RCBTB1: variants seen among roughly 807,000 people sequenced by gnomAD.
The protein encoded by RCBTB1 is RCC1 and BTB domain-containing protein 1.
A neutral mutation model predicts 62.4 loss-of-function variants in RCBTB1; 46 were observed. That is an observed-to-expected ratio of 0.74 (90% CI 0.58 to 0.94). The LOEUF (loss-of-function observed/expected upper bound fraction) is 0.94. RCBTB1 is among the 40% of genes least tolerant of loss of function. The pLI, the probability that RCBTB1 is intolerant of heterozygous loss-of-function variation, is 0.00. For synonymous variants in RCBTB1, 222 were observed against 245.8 expected, an observed-to-expected ratio of 0.90 and a Z score of 0.91; for missense variants, 565 against 654.9, an observed-to-expected ratio of 0.86 and a Z score of 1.50.
rs1177611024 is a variant in RCBTB1, at chr13:49,572,306, G to A, written c.-41-4986C>T. Among the ~76,000 whole-genome samples, 3 of 149,564 alleles carry A rather than the reference G, an allele frequency of 2.0e-5. No homozygotes were observed. In the South Asian group the frequency reaches 6.3e-4, roughly 32 times the overall value. On this transcript the variant is annotated intron_variant, in intron 2 of 12. Transcript: ENST00000378302. ...CATGCCACTGCACTCCAGCCTAGGC[G>A]ACAGAGCGAGACTCTGTCTCAGAAA... is the stretch of plus-strand genomic sequence containing the variant.
intron 5 of RCBTB1, among the ~76,000 whole-genome samples, chr13:49,556,523 G>A (rs1485621703): frequency 6.6e-6 from 1 of 152,154 alleles, no homozygotes; most frequent in African/African-American, 2.4e-5. Flanking sequence ...ACTATAAACA[G>A]AGAGATGAAT....
intron 2 of RCBTB1, among the ~76,000 whole-genome samples, chr13:49,571,702 C>T (rs1236527917): frequency 2.6e-5 from 4 of 152,226 alleles, no homozygotes; most frequent in East Asian, 1.9e-4. Flanking sequence ...TTAACTTGGG[C>T]GCGTGGCATT....
chr13:49,552,869 A>C (rs8001595), intron 6 of RCBTB1, among the ~76,000 whole-genome samples: 1 of 152,078 alleles, frequency 6.6e-6, no homozygotes. Context: ...GCTGGACACA[A>C]CTGCGGTAGT....
intron 12 of RCBTB1, among the ~76,000 whole-genome samples, chr13:49,539,789 A>G (rs538644681): frequency 1.3e-5 from 2 of 152,314 alleles, no homozygotes; most frequent in Admixed American, 1.3e-4. Context: ...GCTGCAGACA[A>G]AGTCAGCTAC....
intron 1 of RCBTB1, among the ~76,000 whole-genome samples, chr13:49,581,673 C>A (rs1193142817): frequency 6.6e-6 from 1 of 152,066 alleles, no homozygotes; most frequent in Admixed American, 6.6e-5. Flanking sequence ...ACAGGGAGTA[C>A]CCCCTAGAAG....
At chr13:49,568,017 TCTC>T (rs1170414156) in intron 2 of RCBTB1, among the ~76,000 whole-genome samples, 3 of 151,998 alleles carry the variant, frequency 2.0e-5, no homozygotes, top group Admixed American at 1.3e-4. Context: ...AGAAAGAAAG[TCTC>T]CTTATCATCC....
intron 9 of RCBTB1, among the ~76,000 whole-genome samples, chr13:49,548,070 C>T (rs1002349395): frequency 1.3e-5 from 2 of 152,138 alleles, no homozygotes; most frequent in African/African-American, 4.8e-5. Context: ...TGAGCCACCA[C>T]ACCCAGCCGG....
At chr13:49,558,416 G>T (rs1171902516) in intron 5 of RCBTB1, among the ~76,000 whole-genome samples, 2 of 152,158 alleles carry the variant, frequency 1.3e-5, no homozygotes, top group Non-Finnish European at 2.9e-5. Context: ...AAGTAGGCTT[G>T]TCATGGTGGC....
intron 2 of RCBTB1, among the ~76,000 whole-genome samples, chr13:49,575,667 T>G (rs1426862780): frequency 6.6e-6 from 1 of 152,026 alleles, no homozygotes; most frequent in African/African-American, 2.4e-5. Flanking sequence ...ATGTTGTCAC[T>G]TAGAAATGGG....
chr13:49,540,791 T>C lies in RCBTB1; in HGVS notation c.1455+85A>G. ...TAAACAGAAGTGGAGTGACTCATCG[T>C]TTTCCATGCCTCACGCAAGAAGCGG... On this transcript the variant is annotated intron_variant, in intron 12 of 12. Transcript: ENST00000378302. The C allele has an allele frequency of 3.4e-6, 5 of 1,452,600 alleles. No homozygotes were observed. The South Asian group carries it at 6.7e-5, about 20-fold the overall frequency. 90.0% of individuals were successfully genotyped at this position (1,452,600 alleles called of 1,614,324 possible). A position where few individuals can be genotyped will look rare whatever the true frequency, so the allele number is the denominator to read the frequency against.
chr13:49,541,497 T>A (rs1428731182), intron 11 of RCBTB1, among the ~76,000 whole-genome samples, 179 bp downstream of exon 11: 1 of 151,658 alleles, frequency 6.6e-6, no homozygotes, highest in Non-Finnish European at 1.5e-5. Flanking sequence ...ATAAACTAGG[T>A]CCAAAACTAT....
Position 49,534,228 on chromosome 13 carries a change from T to C in RCBTB1, c.1490A>G (p.Asn497Ser), listed in dbSNP as rs181427887. Reference sequence around the variant, plus strand: ...AGTCTGTGTAACTTCTGTCAAATGATTGATGCAAAACTTAAAGCAGAATTC... The same window carrying C: ...AGTCTGTGTAACTTCTGTCAAATGACTGATGCAAAACTTAAAGCAGAATTC... ...LEEFCFKFCINHLTEVTQTAA... is the reference protein window; with the variant it reads ...LEEFCFKFCISHLTEVTQTAA... The change falls in exon 13 of 13, where the codon AAT becomes AGT. Residue 497 changes from asparagine to serine, a missense_variant. Physicochemically the swap from Asn to Ser is conservative, Grantham distance 46. Transcript: ENST00000378302. The C allele has an allele frequency of 7.2e-4, 1,167 of 1,614,008 alleles. 9 individuals carry two copies. Among genetic ancestry groups the C allele is most frequent in the South Asian group, 9.6e-4 (87 of 91,052 alleles).
At chr13:49,582,209 G>A (rs1210131231) in intron 1 of RCBTB1, among the ~76,000 whole-genome samples, 7 of 152,202 alleles carry the variant, frequency 4.6e-5, no homozygotes, top group Admixed American at 2.6e-4. Context: ...CAGAAGCGCC[G>A]GGCGCAGTGG....
chr13:49,584,126 C>G (rs768671822), intron 1 of RCBTB1, among the ~76,000 whole-genome samples: 5 of 152,220 alleles, frequency 3.3e-5, no homozygotes, highest in Non-Finnish European at 7.3e-5. Flanking sequence ...CTTGCTGCAG[C>G]ATACGGGCAC....
At chr13:49,539,091 A>C (rs996370833) in intron 12 of RCBTB1, among the ~76,000 whole-genome samples, 9 of 152,000 alleles carry the variant, frequency 5.9e-5, no homozygotes, top group South Asian at 2.1e-4. Flanking sequence ...GCTGGTCTCA[A>C]ACTCCTGATC....
chr13:49,583,299 A>T (rs1019843238), intron 1 of RCBTB1, among the ~76,000 whole-genome samples: 3 of 152,168 alleles, frequency 2.0e-5, no homozygotes, highest in Non-Finnish European at 4.4e-5. Flanking sequence ...AAGCCCAGAG[A>T]AAGCTGGAGA....
intron 12 of RCBTB1, among the ~76,000 whole-genome samples, chr13:49,535,495 G>A (rs1228190807): frequency 5.3e-5 from 8 of 152,242 alleles, no homozygotes; most frequent in Admixed American, 2.0e-4. Flanking sequence ...GGGTTCTATC[G>A]AACCAGAAGC....
intron 12 of RCBTB1, among the ~76,000 whole-genome samples, chr13:49,540,452 T>C (rs1332131881): frequency 6.6e-6 from 1 of 152,200 alleles, no homozygotes; most frequent in Non-Finnish European, 1.5e-5. Context: ...ACTAATAGAA[T>C]TGCAGAGCGT....
intron 4 of RCBTB1, among the ~76,000 whole-genome samples, chr13:49,566,162 C>T (rs547742491): frequency 4.8e-4 from 73 of 151,070 alleles, no homozygotes; most frequent in African/African-American, 1.7e-3. Context: ...AAACCAGAGA[C>T]CTTTGTTCAC....
Sources: gnomAD v4.1 joint callset for allele counts (sites outside exome capture counted in the v4.1 genomes callset) on GRCh38, gnomAD v4.1.1 for gene constraint, MANE v1.5 for transcripts, NCBI Gene and HGNC (gene_info 2026-07-23, HGNC 2026-07-21) for gene names.